FBXO28: variants seen among roughly 807,000 people sequenced by gnomAD.
The protein encoded by FBXO28 is F-box protein 28, also known as F-box only protein 28.
In FBXO28, 8 loss-of-function variants were observed where a neutral mutation model predicts 38.1. The observed-to-expected ratio is 0.21, with a 90% CI of 0.12 to 0.38. The LOEUF (loss-of-function observed/expected upper bound fraction) is 0.38. Ranked by LOEUF, FBXO28 falls within the 10% of genes least tolerant of loss-of-function variation. The pLI, the probability that FBXO28 is intolerant of heterozygous loss-of-function variation, is 1.00. For missense variants in FBXO28, 345 were observed against 460.6 expected (o/e 0.75, Z 2.30); for synonymous variants, 168 against 173.8 (o/e 0.97, Z 0.26).
At chr1:224,116,627 CTT>C (rs1486769227) in intron 1 of FBXO28, among the ~76,000 whole-genome samples, 1 of 152,084 alleles carries the variant, frequency 6.6e-6, no homozygotes, top group African/African-American at 2.4e-5. Context: ...TGTTCAGGGA[CTT>C]TTTTTCTTCC....
intron 1 of FBXO28, among the ~76,000 whole-genome samples, chr1:224,126,221 C>G (rs576819663): frequency 1.3e-5 from 2 of 152,014 alleles, no homozygotes; most frequent in Non-Finnish European, 2.9e-5. Context: ...AAATACTACA[C>G]TAGCCAGCAC....
chr1:224,147,352 G>A (rs555922984), intron 3 of FBXO28, among the ~76,000 whole-genome samples: 1 of 151,448 alleles, frequency 6.6e-6, no homozygotes, highest in African/African-American at 2.4e-5. Flanking sequence ...GAACCCCGGA[G>A]GCAGAGGTTG....
chr1:224,149,226 C>T (rs1657582491), intron 3 of FBXO28, among the ~76,000 whole-genome samples: 2 of 151,700 alleles, frequency 1.3e-5, no homozygotes, highest in Non-Finnish European at 2.9e-5. Context: ...TTTACAATGA[C>T]CTTTGTGTTC....
At chr1:224,149,669 T>A (rs1657594494) in intron 3 of FBXO28, among the ~76,000 whole-genome samples, 1 of 152,198 alleles carries the variant, frequency 6.6e-6, no homozygotes, top group Non-Finnish European at 1.5e-5. Flanking sequence ...AAACATGGTA[T>A]GATCTCTTCT....
rs531013730 is a variant in FBXO28 at position 224,119,563 on chromosome 1, A to C, written c.267+5167A>C. 3.3e-5 allele frequency among the ~76,000 whole-genome samples: 5 copies of C among 152,252 alleles called. No individual in the cohort carries two copies. In the East Asian group the frequency reaches 9.6e-4, roughly 29 times the overall value. On this transcript the variant is annotated intron_variant, in intron 1 of 4. Transcript: ENST00000366862. ...CAGTTCGTTCTTCCAGTTCTCACAA[A>C]GTAAAGAGGTTCAGTCAGTAACTCT...
intron 1 of FBXO28, among the ~76,000 whole-genome samples, chr1:224,129,997 AAAAAG>A (rs1656999334): frequency 6.6e-6 from 1 of 151,210 alleles, no homozygotes; most frequent in African/African-American, 2.4e-5. Flanking sequence ...CTCAAAAAAA[AAAAAG>A]AAATTACATG....
chr1:224,127,504 C>T (rs1656934482), intron 1 of FBXO28, among the ~76,000 whole-genome samples: 2 of 152,106 alleles, frequency 1.3e-5, no homozygotes, highest in Admixed American at 6.6e-5. Context: ...TCGTTAAAAG[C>T]AGTTACATAT....
At chr1:224,119,500 T>C (rs1656723655) in intron 1 of FBXO28, among the ~76,000 whole-genome samples, 1 of 152,084 alleles carries the variant, frequency 6.6e-6, no homozygotes, top group Non-Finnish European at 1.5e-5. Context: ...TATTAATGAG[T>C]GCATAAGTAC....
In FBXO28 at chr1:224,158,755, TGTG is replaced by T. The variant is rs1657828442; in HGVS notation, c.*1013_*1015del. 1 of 152,404 alleles carries T rather than the reference TGTG, an allele frequency of 6.6e-6. No homozygotes were observed. The highest frequency in any genetic ancestry group is 6.6e-5 in the Admixed American group (1 of 15,262). The allele number at this position is 152,404 out of a possible 1,614,324, so 9.4% of individuals were successfully genotyped here. On this transcript the variant is annotated 3_prime_UTR_variant, in exon 5 of 5. Transcript: ENST00000366862. ...CACCACCATGTGATCATTGATCAGA[TGTG>T]GTGAGTGAGTAGGGGACTCGACTTG...
chr1:224,147,433 AAG>A (rs1491404322), intron 3 of FBXO28, among the ~76,000 whole-genome samples: 1 of 151,446 alleles, frequency 6.6e-6, no homozygotes, highest in Admixed American at 6.6e-5. Flanking sequence ...AAAAAAAAAA[AAG>A]AGAAGAAAAA....
intron 1 of FBXO28, among the ~76,000 whole-genome samples, chr1:224,119,694 G>T (rs1281608296): frequency 6.6e-6 from 1 of 152,102 alleles, no homozygotes; most frequent in Non-Finnish European, 1.5e-5. Flanking sequence ...TGTTGAGGTT[G>T]ATTAGGACTT....
chr1:224,120,284 T>C (rs1180454146), intron 1 of FBXO28, among the ~76,000 whole-genome samples: 3 of 152,224 alleles, frequency 2.0e-5, no homozygotes, highest in African/African-American at 7.2e-5. Flanking sequence ...CCCAAATATC[T>C]TGGGCCTCTG....
intron 3 of FBXO28, among the ~76,000 whole-genome samples, chr1:224,146,631 CCT>C (rs1297327664): frequency 6.6e-6 from 1 of 151,978 alleles, no homozygotes; most frequent in Non-Finnish European, 1.5e-5. Context: ...CCTCCCTTGG[CCT>C]CTCAAAGTGC....
At chr1:224,148,827 T>G (rs1439429614) in intron 3 of FBXO28, among the ~76,000 whole-genome samples, 1 of 145,364 alleles carries the variant, frequency 6.9e-6, no homozygotes, top group South Asian at 2.3e-4. Flanking sequence ...ACCTTCCTCC[T>G]GCTCTAACTT....
At chr1:224,144,712 G>A (rs569023106) in intron 3 of FBXO28, among the ~76,000 whole-genome samples, 4 of 151,994 alleles carry the variant, frequency 2.6e-5, no homozygotes, top group South Asian at 2.1e-4. Flanking sequence ...AGCCGAGATC[G>A]TGCCACCACT....
At chr1:224,142,535 G>A (rs1657384288) in intron 3 of FBXO28, among the ~76,000 whole-genome samples, 1 of 152,134 alleles carries the variant, frequency 6.6e-6, no homozygotes, top group South Asian at 2.1e-4. Flanking sequence ...AAAAAATCAG[G>A]CTGGGCTCAG....
chr1:224,141,368 G>A lies in FBXO28; in HGVS notation c.516+7156G>A, dbSNP rs191099211. Among the ~76,000 whole-genome samples, 556 of 151,856 alleles carry A rather than the reference G, an allele frequency of 3.7e-3. 6 individuals are homozygous for A. Among genetic ancestry groups the A allele is most frequent in the African/African-American group, 0.013 (530 of 41,392 alleles). On this transcript the variant is annotated intron_variant, in intron 3 of 4. Coordinates refer to ENST00000366862, the MANE Select transcript of FBXO28 (RefSeq NM_015176.4). ...TGCCTGTAGTCCCAGCTACTTGGGAGGCTGAGGCAGGAGAATGGTGTGAAC... is the reference window on the plus strand; with the variant it reads ...TGCCTGTAGTCCCAGCTACTTGGGAAGCTGAGGCAGGAGAATGGTGTGAAC...
At chr1:224,128,387 G>T (rs186945360) in intron 1 of FBXO28, among the ~76,000 whole-genome samples, 14 of 151,852 alleles carry the variant, frequency 9.2e-5, no homozygotes, top group Non-Finnish European at 1.8e-4. Context: ...CTGTATACTA[G>T]ATCTAATTAA....
chr1:224,114,357 C>A lies in FBXO28; in HGVS notation c.228C>A (p.Leu76=). ...ALPIVAIENI[L]SFMSYDEISQ... is the part of the protein sequence containing the mutation. ...CCATCGTAGCCATCGAGAACATCCT[C>A]AGCTTTATGTCCTACGACGAAATTA... The change falls in exon 1 of 5, where the codon CTC becomes CTA. Residue 76 remains leucine, a synonymous_variant. Coordinates refer to ENST00000366862, the MANE Select transcript of FBXO28 (RefSeq NM_015176.4). 1.2e-6 allele frequency: 2 copies of A among 1,600,662 alleles called. No homozygotes were observed. Among genetic ancestry groups the A allele is most frequent in the East Asian group, 4.5e-5 (2 of 44,338 alleles).
Sources: allele counts gnomAD v4.1 joint callset (sites outside exome capture counted in the v4.1 genomes callset), GRCh38; gene constraint gnomAD v4.1.1; transcripts MANE v1.5; gene names NCBI Gene and HGNC (gene_info 2026-07-23, HGNC 2026-07-21).